APBB2: variants seen among roughly 807,000 people sequenced by gnomAD.
APBB2 encodes the protein Fe65-like 1.
In APBB2, 38 loss-of-function variants were observed where a neutral mutation model predicts 82.5. The observed-to-expected ratio is 0.46, with a 90% CI of 0.36 to 0.60. The LOEUF is 0.60. APBB2 is among the 20% of genes least tolerant of loss of function. The pLI is 0.00. For missense variants in APBB2, 772 were observed against 972.3 expected (o/e 0.79, Z 2.74); for synonymous variants, 341 against 368.2 (o/e 0.93, Z 0.85).
chr4:40,880,620 T>C (rs929165559), intron 12 of APBB2: 3 of 985,332 alleles, frequency 3.0e-6, no homozygotes, highest in African/African-American at 1.7e-5. Context: ...CTCCAAGTAT[T>C]CAAAGAAGAT....
rs775557091 is a variant in APBB2, at chr4:40,823,720, G to T, written c.1856C>A (p.Thr619Asn). The part of the protein sequence containing the change: ...ILNSAIENLM[T>N]SSNKEDWLSV... ...CAGCCAGTCCTCCTTGTTGGATGAG[G>T]TCATAAGATTTTCTATGGCACTGTT... The change falls in exon 16 of 18, where the codon ACC becomes AAC. Residue 619 changes from threonine to asparagine, a missense_variant. Coordinates refer to ENST00000508593, the MANE Select transcript of APBB2 (RefSeq NM_004307.2). 9 of 1,613,718 alleles carry T rather than the reference G, an allele frequency of 5.6e-6. No homozygotes were observed. In the Admixed American group the frequency reaches 1.5e-4, roughly 27 times the overall value.
intron 17 of APBB2, among the ~76,000 whole-genome samples, chr4:40,817,927 C>T (rs552858834): frequency 2.0e-5 from 3 of 152,308 alleles, no homozygotes; most frequent in South Asian, 2.1e-4. Context: ...CGGATTTATA[C>T]ATGGCAACAT....
intron 1 of APBB2, among the ~76,000 whole-genome samples, chr4:41,157,830 A>C (rs1430783628): frequency 6.6e-6 from 1 of 152,142 alleles, no homozygotes; most frequent in Non-Finnish European, 1.5e-5. Context: ...GTCTCTACTA[A>C]AAATACAAAA....
intron 7 of APBB2, among the ~76,000 whole-genome samples, chr4:40,936,205 A>G (rs555578890): frequency 5.9e-5 from 9 of 152,326 alleles, no homozygotes; most frequent in Admixed American, 5.2e-4. Flanking sequence ...CTAAAAGCAG[A>G]AAAAAACTAA....
At chr4:40,823,041 G>T (rs1313237924) in intron 16 of APBB2, among the ~76,000 whole-genome samples, 2 of 152,202 alleles carry the variant, frequency 1.3e-5, no homozygotes, top group African/African-American at 4.8e-5. Context: ...ATGACTGGTG[G>T]TCTTTCCCTG....
chr4:40,935,757 T>G (rs1785231728), intron 7 of APBB2: 1 of 151,742 alleles, frequency 6.6e-6, no homozygotes, highest in Non-Finnish European at 1.5e-5. Context: ...TCATAAAAGC[T>G]CTACTTTTTT....
chr4:41,111,732 A>T (rs2153981958), intron 2 of APBB2, among the ~76,000 whole-genome samples: 1 of 152,352 alleles, frequency 6.6e-6, no homozygotes, highest in South Asian at 2.1e-4. Context: ...AGCAACAAAT[A>T]TACTTAAAAG....
chr4:40,942,121 CTTAT>C (rs1193438803), intron 7 of APBB2, among the ~76,000 whole-genome samples: 1 of 152,166 alleles, frequency 6.6e-6, no homozygotes, highest in African/African-American at 2.4e-5. Context: ...GCCTCTATGA[CTTAT>C]TTATTTCCTT....
intron 1 of APBB2, among the ~76,000 whole-genome samples, chr4:41,144,977 G>A (rs34701751): frequency 0.25 from 37,561 of 152,062 alleles, 4,775 homozygotes; most frequent in Middle Eastern, 0.31. Context: ...AAAATTAGCC[G>A]GGCATGTTGG....
chr4:40,894,223 G>C (rs541305688), intron 10 of APBB2, among the ~76,000 whole-genome samples: 3 of 151,754 alleles, frequency 2.0e-5, no homozygotes, highest in Non-Finnish European at 4.4e-5. Context: ...GGAAGGCAGA[G>C]CTTGCAGTGA....
At chr4:41,117,606 T>A (rs1217220835) in intron 2 of APBB2, among the ~76,000 whole-genome samples, 1 of 152,182 alleles carries the variant, frequency 6.6e-6, no homozygotes, top group East Asian at 1.9e-4. Context: ...ATTATTATCA[T>A]CTTCTTTTCA....
chr4:41,033,695 A>G (rs920888730), intron 4 of APBB2, among the ~76,000 whole-genome samples: 3 of 152,020 alleles, frequency 2.0e-5, no homozygotes, highest in Non-Finnish European at 2.9e-5. Context: ...CTGTTTAGAA[A>G]AAAAGTGACT....
At chr4:41,118,504 T>C (rs1751805398) in intron 2 of APBB2, among the ~76,000 whole-genome samples, 1 of 152,228 alleles carries the variant, frequency 6.6e-6, no homozygotes, top group South Asian at 2.1e-4. Context: ...CTGTTAATTA[T>C]TGTCATTAAT....
At chr4:40,998,813 C>A (rs1804341528) in intron 6 of APBB2, among the ~76,000 whole-genome samples, 1 of 152,122 alleles carries the variant, frequency 6.6e-6, no homozygotes, top group Admixed American at 6.5e-5. Flanking sequence ...AATGCTACAA[C>A]AGCTGATCTG....
At chr4:40,819,923 C>T (rs1747223407) in intron 17 of APBB2, among the ~76,000 whole-genome samples, 1 of 152,300 alleles carries the variant, frequency 6.6e-6, no homozygotes, top group Non-Finnish European at 1.5e-5. Context: ...GCCATCCTCC[C>T]ACCTTAGCCT....
chr4:41,058,484 G>A (rs549595830), intron 4 of APBB2, among the ~76,000 whole-genome samples: 4 of 152,194 alleles, frequency 2.6e-5, no homozygotes, highest in South Asian at 4.2e-4. Context: ...AAATAATGGC[G>A]GTCAACAGGC....
At chr4:40,964,271 T>A (rs774765251) in intron 6 of APBB2, among the ~76,000 whole-genome samples, 2 of 152,228 alleles carry the variant, frequency 1.3e-5, no homozygotes, top group South Asian at 2.1e-4. Context: ...TTGTGGCCAC[T>A]GGGTCTGTTT....
At chr4:40,857,243 G>T in intron 12 of APBB2, 1 of 904,440 alleles carries the variant, frequency 1.1e-6, no homozygotes, top group Non-Finnish European at 1.3e-6. Flanking sequence ...GCGTGGCCCC[G>T]CCCCACCCGG....
Position 40,816,205 on chromosome 4 carries a change from G to C in APBB2, c.2167C>G (p.Pro723Ala). 1.2e-6 allele frequency: 2 copies of C among 1,614,216 alleles called. No individual in the cohort carries two copies. The highest frequency in any genetic ancestry group is 1.7e-6 in the Non-Finnish European group (2 of 1,180,044). Residue 723 changes from proline (P) to alanine (A), a missense_variant, in exon 18 of 18, where the codon CCT becomes GCT. By Grantham distance (27) the Pro-to-Ala change is conservative (BLOSUM62 -1). Coordinates refer to ENST00000508593, the MANE Select transcript of APBB2 (RefSeq NM_004307.2). ...GTTACTGAATCTGCTGGCGGTGGAG[G>C]TGGTCGAACTTTCTGAGAAGGCGGC... The part of the protein sequence containing the change: ...ARPPSQKVRP[P>A]PPPADSVTRR...
Sources: gnomAD v4.1 joint callset for allele counts (sites outside exome capture counted in the v4.1 genomes callset) on GRCh38, gnomAD v4.1.1 for gene constraint, MANE v1.5 for transcripts, NCBI Gene and HGNC (gene_info 2026-07-23, HGNC 2026-07-21) for gene names.